The following ZNF407 variants were observed in gnomAD, a reference collection of about 807,000 sequenced individuals.
The protein encoded by ZNF407 is zinc finger protein 407.
A neutral mutation model predicts 131.2 loss-of-function variants in ZNF407; 17 were observed. That is an observed-to-expected ratio of 0.13 (90% CI 0.09 to 0.19). ZNF407 has a LOEUF of 0.19. ZNF407 is among the 10% of genes least tolerant of loss of function. The probability of loss-of-function intolerance (pLI) is 1.00; values close to 1 mark genes in which losing one functional copy is unlikely to be tolerated. For synonymous variants in ZNF407, 1,156 were observed against 1,062.0 expected, an observed-to-expected ratio of 1.09 and a Z score of -1.72; for missense variants, 2,681 against 2,830.6, an observed-to-expected ratio of 0.95 and a Z score of 1.20.
intron 3 of ZNF407, among the ~76,000 whole-genome samples, chr18:74,656,638 A>G (rs1985471694): frequency 6.6e-6 from 1 of 152,198 alleles, no homozygotes; most frequent in Admixed American, 6.5e-5. Flanking sequence ...AGTGATTACA[A>G]GGATAGTGCC....
At position 74,738,511 on chromosome 18, in the gene ZNF407, G is replaced by A. The variant is rs1222905903; in HGVS notation, c.4803-42917G>A. On this transcript the variant is annotated intron_variant, in intron 3 of 8. Transcript: ENST00000299687. The stretch of plus-strand genomic sequence containing the variant: ...TGCCAGCACTTTGGAAGGCCAAGGC[G>A]GGTGGATCACGAGGTCAGGAGTTTG... 2.6e-5 allele frequency among the ~76,000 whole-genome samples: 4 copies of A among 151,214 alleles called. 2 individuals are homozygous for A. The highest frequency in any genetic ancestry group is 9.8e-5 in the African/African-American group (4 of 40,750).
At chr18:74,869,791 C>T (rs1353752548) in intron 4 of ZNF407, among the ~76,000 whole-genome samples, 1 of 152,168 alleles carries the variant, frequency 6.6e-6, no homozygotes, top group Non-Finnish European at 1.5e-5. Flanking sequence ...TGTGCTACAA[C>T]AGCAGAGTTA....
chr18:74,623,444 AAGGC>A (rs1357284619), intron 1 of ZNF407, among the ~76,000 whole-genome samples: 3 of 152,330 alleles, frequency 2.0e-5, no homozygotes, highest in African/African-American at 4.8e-5. Flanking sequence ...AGGAGGGAGA[AAGGC>A]AGAGAGAGAA....
chr18:74,617,769 T>G (rs1983378482), intron 1 of ZNF407, among the ~76,000 whole-genome samples: 1 of 152,210 alleles, frequency 6.6e-6, no homozygotes, highest in African/African-American at 2.4e-5. Context: ...GGACAGTTAC[T>G]GAGATTGTTT....
intron 3 of ZNF407, among the ~76,000 whole-genome samples, chr18:74,702,959 A>G (rs1157367370): frequency 6.6e-6 from 1 of 152,234 alleles, no homozygotes; most frequent in Admixed American, 6.5e-5. Flanking sequence ...GCCGATGAAC[A>G]TGGGCAGAAA....
At chr18:75,034,632 G>T (rs987443583) in intron 8 of ZNF407, among the ~76,000 whole-genome samples, 1 of 151,650 alleles carries the variant, frequency 6.6e-6, no homozygotes, top group Non-Finnish European at 1.5e-5. Context: ...GGCTTCATTG[G>T]TAGGATGTAG....
At chr18:74,930,672 T>C (rs1369373074) in intron 8 of ZNF407, among the ~76,000 whole-genome samples, 1 of 152,212 alleles carries the variant, frequency 6.6e-6, no homozygotes, top group Admixed American at 6.5e-5. Flanking sequence ...AGGTTTATAA[T>C]CCAATACCAT....
chr18:75,028,298 T>G (rs1054689260), intron 8 of ZNF407, among the ~76,000 whole-genome samples: 1 of 152,174 alleles, frequency 6.6e-6, no homozygotes, highest in Non-Finnish European at 1.5e-5. Flanking sequence ...GACTGGCTTC[T>G]TCTGAGTCCT....
chr18:75,036,427 A>G (rs767479520), intron 8 of ZNF407, among the ~76,000 whole-genome samples: 14 of 152,364 alleles, frequency 9.2e-5, no homozygotes, highest in Non-Finnish European at 1.6e-4. Flanking sequence ...TTGTTGTGAA[A>G]CAACATACCT....
intron 1 of ZNF407, among the ~76,000 whole-genome samples, chr18:74,610,619 G>A (rs562060898): frequency 2.0e-5 from 3 of 152,006 alleles, no homozygotes; most frequent in East Asian, 1.9e-4. Context: ...GGCTCATCTC[G>A]GCTCACTGCA....
intron 8 of ZNF407, among the ~76,000 whole-genome samples, chr18:75,040,496 G>A (rs1233901512): frequency 1.3e-5 from 2 of 152,086 alleles, no homozygotes; most frequent in Non-Finnish European, 2.9e-5. Flanking sequence ...TTAATATCTT[G>A]TCAGTGTGTT....
At chr18:74,846,359 G>C (rs1970702911) in intron 4 of ZNF407, among the ~76,000 whole-genome samples, 4 of 149,150 alleles carry the variant, frequency 2.7e-5, no homozygotes, top group Admixed American at 6.6e-5. Flanking sequence ...TTTTTTTTTG[G>C]AGACGGAATC....
intron 4 of ZNF407, among the ~76,000 whole-genome samples, chr18:74,788,151 T>G (rs980500611): frequency 6.6e-6 from 1 of 152,150 alleles, no homozygotes; most frequent in Non-Finnish European, 1.5e-5. Context: ...TTATTTCCAG[T>G]TTTATTTATT....
At chr18:74,611,803 C>T (rs2144620445) in intron 1 of ZNF407, among the ~76,000 whole-genome samples, 1 of 152,292 alleles carries the variant, frequency 6.6e-6, no homozygotes, top group Non-Finnish European at 1.5e-5. Context: ...GGGGTCTCTG[C>T]TGTGGACCTA....
rs117678054 is a variant in ZNF407 at position 74,850,740 on chromosome 18, G to T, written c.4878-26457G>T. ...GTTTCAAATGGTACTCCACACCCAT[G>T]TAGCAGCCCCTTACTTGCTTGATTT... On this transcript the variant is annotated intron_variant, in intron 4 of 8. Transcript: ENST00000299687. Among the ~76,000 whole-genome samples, 201 of 152,260 alleles carry T rather than the reference G, an allele frequency of 1.3e-3. 4 individuals are homozygous for T. In the East Asian group the frequency reaches 0.037, roughly 28 times the overall value.
At chr18:74,808,877 A>G (rs1003168696) in intron 4 of ZNF407, among the ~76,000 whole-genome samples, 2 of 152,214 alleles carry the variant, frequency 1.3e-5, no homozygotes, top group Non-Finnish European at 2.9e-5. Context: ...GAAAATAAAA[A>G]TATTAAATTA....
intron 7 of ZNF407, among the ~76,000 whole-genome samples, chr18:74,913,010 AC>A (rs1174294956): frequency 1.3e-5 from 2 of 152,370 alleles, no homozygotes; most frequent in South Asian, 2.1e-4. Flanking sequence ...CCAATGAGAT[AC>A]CATTGTTTAC....
intron 8 of ZNF407, among the ~76,000 whole-genome samples, chr18:75,042,243 A>C (rs1410122704): frequency 6.6e-6 from 1 of 152,154 alleles, no homozygotes; most frequent in African/African-American, 2.4e-5. Context: ...AAAATGTAGA[A>C]GTAAAAGACA....
At chr18:74,870,287 ATTTTC>A (rs1365423688) in intron 4 of ZNF407, among the ~76,000 whole-genome samples, 2 of 152,142 alleles carry the variant, frequency 1.3e-5, no homozygotes, top group African/African-American at 4.8e-5. Context: ...AGTGAGGTTA[ATTTTC>A]TTTTCCAACT....
Sources: allele counts gnomAD v4.1 joint callset (sites outside exome capture counted in the v4.1 genomes callset), GRCh38; gene constraint gnomAD v4.1.1; transcripts MANE v1.5; gene names NCBI Gene and HGNC (gene_info 2026-07-23, HGNC 2026-07-21).